The following CPEB2 variants were observed in gnomAD, a reference collection of about 807,000 sequenced individuals.
CPEB2 encodes cytoplasmic polyadenylation element binding protein 2, also known as cytoplasmic polyadenylation element-binding protein 2.
A neutral mutation model predicts 93.6 loss-of-function variants in CPEB2; 56 were observed. The ratio of observed to expected loss-of-function variants is 0.60; its 90% CI spans 0.48 to 0.75. The LOEUF is 0.75. Ranked by LOEUF, CPEB2 falls within the 30% of genes least tolerant of loss-of-function variation. The pLI is 0.00. For synonymous variants in CPEB2, 764 were observed against 586.3 expected (o/e 1.30, Z -4.38); for missense variants, 1,579 against 1,395.1 (o/e 1.13, Z -2.10).
At chr4:15,021,119 A>T (rs975506870) in intron 4 of CPEB2, among the ~76,000 whole-genome samples, 1 of 152,170 alleles carries the variant, frequency 6.6e-6, no homozygotes, top group Non-Finnish European at 1.5e-5. Context: ...CACAGTTAAC[A>T]CTGTCGAGAG....
Position 15,067,329 on chromosome 4 carries a change from A to G in CPEB2, c.*949A>G, listed in dbSNP as rs527540958. 2 of 152,644 alleles carry G rather than the reference A, an allele frequency of 1.3e-5. No individual in the cohort carries two copies. The highest frequency in any genetic ancestry group is 4.8e-5 in the African/African-American group (2 of 41,560). The allele number at this position is 152,644 out of a possible 1,614,324, so 9.5% of individuals were successfully genotyped here. A position where few individuals can be genotyped will look rare whatever the true frequency, so the allele number is the denominator to read the frequency against. ...ACAATATGCAAATTAGTTTTAGATTAGAGAGTGCAGCCATTTTGTGATCTG... is the reference window on the plus strand; with the variant it reads ...ACAATATGCAAATTAGTTTTAGATTGGAGAGTGCAGCCATTTTGTGATCTG... On this transcript the variant is annotated 3_prime_UTR_variant, in exon 12 of 12. Coordinates refer to ENST00000538197, the MANE Select transcript of CPEB2 (RefSeq NM_001177382.2).
At chr4:15,039,566 T>C (rs372054711) in intron 5 of CPEB2, among the ~76,000 whole-genome samples, 1 of 152,110 alleles carries the variant, frequency 6.6e-6, no homozygotes, top group East Asian at 1.9e-4. Flanking sequence ...AGGGTAAAAA[T>C]ACTCATTGTG....
rs1577359332 is a variant in CPEB2, at chr4:15,007,472, T to C, written c.1830T>C (p.Asn610=). ...ISPLKKPFSG[N]VIAPPKFTRS... ...CATTGAAGAAACCGTTTTCTGGTAA[T>C]GTCATAGCACCACCGAAATTTACTC... Residue 610 remains asparagine, a synonymous_variant, in exon 2 of 12, where the codon AAT becomes AAC. Transcript: ENST00000538197. The C allele has an allele frequency of 1.2e-6, 2 of 1,614,150 alleles. No homozygotes were observed. Among genetic ancestry groups the C allele is most frequent in the Admixed American group, 1.7e-5 (1 of 60,020 alleles).
chr4:15,007,424 A>G lies in CPEB2; in HGVS notation c.1782A>G (p.Pro594=), dbSNP rs112080565. The G allele has an allele frequency of 6.2e-7, 1 of 1,614,170 alleles. No homozygotes were observed. The highest frequency in any genetic ancestry group is 8.5e-7 in the Non-Finnish European group (1 of 1,179,996). The change falls in exon 2 of 12, where the codon CCA becomes CCG. Residue 594 remains proline (P), a synonymous_variant. Coordinates refer to ENST00000538197, the MANE Select transcript of CPEB2 (RefSeq NM_001177382.2). ...DHRRTGNMGI[P]GTMNQISPLK... The stretch of plus-strand genomic sequence containing the variant: ...GTAGAACCGGAAACATGGGAATCCC[A>G]GGAACTATGAATCAGATATCTCCAT...
At chr4:15,065,883 A>C (rs1729660004) in intron 11 of CPEB2, among the ~76,000 whole-genome samples, 1 of 152,072 alleles carries the variant, frequency 6.6e-6, no homozygotes, top group African/African-American at 2.4e-5. Context: ...TTTCACTCAT[A>C]ATCTCCCCTA....
intron 3 of CPEB2, among the ~76,000 whole-genome samples, chr4:15,008,956 ATTCCAAATAATCAGT>A (rs1723146317): frequency 6.6e-6 from 1 of 152,222 alleles, no homozygotes; most frequent in African/African-American, 2.4e-5. Context: ...ACCCTGACTT[ATTCCAAATAATCAGT>A]TTCCTATGGA....
chr4:15,048,148 G>T (rs1469292906), intron 6 of CPEB2, among the ~76,000 whole-genome samples: 1 of 151,440 alleles, frequency 6.6e-6, no homozygotes, highest in Non-Finnish European at 1.5e-5. Context: ...ATATTTTTTA[G>T]GATTTTTGCA....
chr4:15,008,865 A>T (rs971959410), intron 3 of CPEB2, among the ~76,000 whole-genome samples: 1 of 152,210 alleles, frequency 6.6e-6, no homozygotes, highest in African/African-American at 2.4e-5. Flanking sequence ...TATTTCTAAA[A>T]AAGACTTCTC....
chr4:15,036,806 T>C (rs1024418977), intron 5 of CPEB2, among the ~76,000 whole-genome samples: 1 of 152,220 alleles, frequency 6.6e-6, no homozygotes, highest in Non-Finnish European at 1.5e-5. Flanking sequence ...AAGAGCTTAC[T>C]GTACTTTTTG....
In CPEB2 at chr4:15,003,037, C is replaced by T. The variant is rs1406976380; in HGVS notation, c.364C>T (p.His122Tyr). 3.2e-5 allele frequency: 49 copies of T among 1,508,294 alleles called. No homozygotes were observed. The highest frequency in any genetic ancestry group is 4.2e-5 in the Non-Finnish European group (48 of 1,137,902). The allele number at this position is 1,508,294 out of a possible 1,614,324, so 93.4% of individuals were successfully genotyped here. ...AAATEKLPDH[H>Y]PGGGTIAGVT... The stretch of plus-strand genomic sequence containing the variant: ...GGCCACGGAGAAACTCCCCGACCAC[C>T]ACCCCGGCGGCGGCACGATCGCGGG... The change falls in exon 1 of 12, where the codon CAC becomes TAC. Residue 122 changes from histidine (H) to tyrosine (Y), a missense_variant. His to Tyr is a moderately conservative substitution (Grantham distance 83). Around this residue, in one of 2 missense-constraint regions of CPEB2, gnomAD observed 1,411 missense variants for 1,056.0 expected, o/e 1.34. Transcript: ENST00000538197.
chr4:15,015,732 T>C (rs1724056820), intron 3 of CPEB2, among the ~76,000 whole-genome samples: 1 of 151,968 alleles, frequency 6.6e-6, no homozygotes, highest in Non-Finnish European at 1.5e-5. Flanking sequence ...TCCCCCCTTA[T>C]CCATGAGTGA....
rs1007172464 is a variant in CPEB2 at position 15,003,261 on chromosome 4, GCCGCCGCCT to G, written c.596_604del (p.Pro199_Pro201del). ...CCCACCCTCCGGACTCGAAGCCGCC[GCCGCCGCCT>G]CCGCCGCTCCACTGCCCCGGTCGGT... On this transcript the variant is annotated inframe_deletion, in exon 1 of 12. Transcript: ENST00000538197. The G allele has an allele frequency of 8.5e-6, 13 of 1,523,614 alleles. No homozygotes were observed. The African/African-American group carries it at 9.8e-5, about 12-fold the overall frequency. 94.4% of individuals were successfully genotyped at this position (1,523,614 alleles called of 1,614,324 possible).
chr4:15,010,901 TAAGAA>T (rs1723383726), intron 3 of CPEB2, among the ~76,000 whole-genome samples: 1 of 152,098 alleles, frequency 6.6e-6, no homozygotes, highest in Non-Finnish European at 1.5e-5. Context: ...ATTCAATAAA[TAAGAA>T]AGAGCTAGTT....
intron 6 of CPEB2, among the ~76,000 whole-genome samples, chr4:15,043,241 T>C (rs1727350044): frequency 6.6e-6 from 1 of 152,218 alleles, no homozygotes; most frequent in African/African-American, 2.4e-5. Flanking sequence ...GAACTTTAAA[T>C]AAAGCTAGCT....
chr4:15,051,226 T>A (rs1187786246), intron 6 of CPEB2, among the ~76,000 whole-genome samples: 2 of 152,300 alleles, frequency 1.3e-5, no homozygotes, highest in Non-Finnish European at 2.9e-5. Context: ...CCCTAATGCA[T>A]AGAAAAAGTT....
chr4:15,051,913 T>G (rs1356977165), intron 6 of CPEB2, among the ~76,000 whole-genome samples: 1 of 152,222 alleles, frequency 6.6e-6, no homozygotes, highest in East Asian at 1.9e-4. Context: ...CGTCTACTGT[T>G]TCATGTAATT....
chr4:15,066,429 G>A lies in CPEB2; in HGVS notation c.*49G>A. On this transcript the variant is annotated 3_prime_UTR_variant, in exon 12 of 12. Transcript: ENST00000538197. Reference sequence around the variant, plus strand: ...AACAAGGAAAGAAAGGGTGCATGTGGCTTACTGTGTCTGAAGATACTGACA... The same window carrying A: ...AACAAGGAAAGAAAGGGTGCATGTGACTTACTGTGTCTGAAGATACTGACA... The A allele has an allele frequency of 7.5e-7, 1 of 1,342,152 alleles. No homozygotes were observed. The allele number at this position is 1,342,152 out of a possible 1,614,324, so 83.1% of individuals were successfully genotyped here. A position where few individuals can be genotyped will look rare whatever the true frequency, so the allele number is the denominator to read the frequency against.
intron 4 of CPEB2, 29 bp downstream of exon 4, chr4:15,017,307 T>A: frequency 8.4e-7 from 1 of 1,190,076 alleles, no homozygotes; most frequent in South Asian, 1.3e-5. Context: ...AAATATATGT[T>A]TATATTATAC....
chr4:15,047,519 G>A (rs551935387), intron 6 of CPEB2, among the ~76,000 whole-genome samples: 1 of 152,154 alleles, frequency 6.6e-6, no homozygotes, highest in South Asian at 2.1e-4. Context: ...TTTGGATGAG[G>A]TATGGAAATG....
Sources: allele counts gnomAD v4.1 joint callset (sites outside exome capture counted in the v4.1 genomes callset), GRCh38; gene constraint gnomAD v4.1.1; regional missense constraint gnomAD v4.1.1; transcripts MANE v1.5; gene names NCBI Gene and HGNC (gene_info 2026-07-23, HGNC 2026-07-21).